EFCAB5: variants seen among roughly 807,000 people sequenced by gnomAD.
The protein encoded by EFCAB5 is EF-hand calcium binding domain 5.
Under a neutral mutation model 167.9 loss-of-function variants are expected in EFCAB5, and 131 were observed. The observed-to-expected ratio is 0.78, with a 90% CI of 0.68 to 0.90. The LOEUF is 0.90. EFCAB5 is among the 40% of genes least tolerant of loss of function. The pLI is 0.00. For synonymous variants in EFCAB5, 574 were observed against 602.8 expected (o/e 0.95, Z 0.70); for missense variants, 1,663 against 1,745.2 (o/e 0.95, Z 0.84).
chr17:30,015,667 G>GT (rs2069018319), intron 7 of EFCAB5, among the ~76,000 whole-genome samples: 1 of 151,748 alleles, frequency 6.6e-6, no homozygotes, highest in African/African-American at 2.4e-5. Flanking sequence ...GCATGAAGTG[G>GT]TAGCACATTG....
intron 19 of EFCAB5, 50 bp downstream of exon 19, chr17:30,087,216 A>T: frequency 6.8e-7 from 1 of 1,467,822 alleles, no homozygotes; most frequent in African/African-American, 1.4e-5. Context: ...TCCTTCTGGT[A>T]CAATAGTAGA....
At chr17:29,989,937 C>T (rs551550124) in intron 4 of EFCAB5, among the ~76,000 whole-genome samples, 137 of 152,200 alleles carry the variant, frequency 9.0e-4, no homozygotes, top group Non-Finnish European at 1.5e-3. Context: ...ACAAACCTTG[C>T]GAATTTTTTC....
chr17:30,055,367 AG>A (rs1357612742), intron 10 of EFCAB5, among the ~76,000 whole-genome samples: 24 of 151,776 alleles, frequency 1.6e-4, no homozygotes, highest in Middle Eastern at 3.4e-3. Context: ...GAAGGAAGGA[AG>A]GAAGGAAGGA....
chr17:30,011,826 G>A (rs555074046), intron 7 of EFCAB5, among the ~76,000 whole-genome samples: 1 of 152,142 alleles, frequency 6.6e-6, no homozygotes, highest in Non-Finnish European at 1.5e-5. Flanking sequence ...CAAGGCAAGA[G>A]ACCGAGGACG....
chr17:30,091,741 C>T (rs2071201166), intron 20 of EFCAB5, 130 bp from the exon 21 acceptor site: 2 of 1,017,298 alleles, frequency 2.0e-6, no homozygotes, highest in East Asian at 2.6e-5. Context: ...TGTTTAAAAC[C>T]AAAGGCTATG....
At chr17:29,959,541 A>G (rs2067680140) in intron 3 of EFCAB5, among the ~76,000 whole-genome samples, 1 of 152,096 alleles carries the variant, frequency 6.6e-6, no homozygotes. Flanking sequence ...TGGGCACTTT[A>G]GTCATCAGGT....
At chr17:30,104,245 G>A (rs923299805) in intron 22 of EFCAB5, among the ~76,000 whole-genome samples, 1 of 152,164 alleles carries the variant, frequency 6.6e-6, no homozygotes, top group Non-Finnish European at 1.5e-5. Flanking sequence ...TGAAGCTTAA[G>A]TACTTCTTTC....
chr17:30,067,784 C>A (rs553132790), intron 14 of EFCAB5, among the ~76,000 whole-genome samples: 5 of 152,072 alleles, frequency 3.3e-5, no homozygotes, highest in African/African-American at 1.2e-4. Flanking sequence ...ACAAAGATAA[C>A]CACTTTCACC....
At chr17:30,044,355 A>G in intron 8 of EFCAB5, among the ~76,000 whole-genome samples, 1 of 152,174 alleles carries the variant, frequency 6.6e-6, no homozygotes, top group East Asian at 1.9e-4. Context: ...AGGTGGGCAG[A>G]TCAGTTCAGG....
intron 13 of EFCAB5, among the ~76,000 whole-genome samples, chr17:30,058,590 T>C (rs1282644582): frequency 6.6e-6 from 1 of 152,158 alleles, no homozygotes; most frequent in African/African-American, 2.4e-5. Flanking sequence ...TAGTGAAAAC[T>C]CTAAAAGATA....
chr17:30,088,960 C>T (rs188778958), intron 19 of EFCAB5, among the ~76,000 whole-genome samples: 38 of 151,846 alleles, frequency 2.5e-4, no homozygotes, highest in Admixed American at 3.3e-4. Flanking sequence ...TTAAATTATA[C>T]TTTAAGTTCT....
rs1424216909 is a variant in EFCAB5 at position 29,932,170 on chromosome 17, A to G, written c.-127+2841A>G. Among the ~76,000 whole-genome samples, 4 of 120,724 alleles carry G rather than the reference A, an allele frequency of 3.3e-5. No individual in the cohort carries two copies. The East Asian group carries it at 9.2e-4, about 28-fold the overall frequency. 79.2% of individuals were successfully genotyped at this position (120,724 alleles called of 152,430 possible). ...ATAACTTTTTTTTTTTTTTTTTTTGAGACGGAGTCTCCCTTTGCCACCCAG... is the reference window on the plus strand; with the variant it reads ...ATAACTTTTTTTTTTTTTTTTTTTGGGACGGAGTCTCCCTTTGCCACCCAG... On this transcript the variant is annotated intron_variant, in intron 1 of 3. Transcript: ENST00000448319.
chr17:30,082,779 G>A, intron 17 of EFCAB5, 112 bp from the exon 18 acceptor site: 1 of 1,112,776 alleles, frequency 9.0e-7, no homozygotes, highest in Non-Finnish European at 1.2e-6. Flanking sequence ...TTTGTAGGAA[G>A]TAGATTATCA....
At chr17:29,932,449 C>CT (rs35262851) in intron 1 of EFCAB5, among the ~76,000 whole-genome samples, 25,761 of 66,764 alleles carry the variant, frequency 0.39, 7,654 homozygotes, top group East Asian at 0.56. Flanking sequence ...CTGTGCCCGG[C>CT]TTTTTTTTTT....
chr17:30,050,877 C>A (rs936698650), intron 8 of EFCAB5, among the ~76,000 whole-genome samples: 2 of 152,160 alleles, frequency 1.3e-5, no homozygotes, highest in Admixed American at 1.3e-4. Flanking sequence ...AAGTCAGTCA[C>A]AAATATTTCT....
intron 18 of EFCAB5, among the ~76,000 whole-genome samples, chr17:30,085,466 A>G (rs2071068176): frequency 6.6e-6 from 1 of 152,238 alleles, no homozygotes; most frequent in Non-Finnish European, 1.5e-5. Flanking sequence ...CACGCCTGTA[A>G]TCCCAGCACT....
intron 3 of EFCAB5, among the ~76,000 whole-genome samples, chr17:29,966,122 T>C (rs2067822164): frequency 6.6e-6 from 1 of 152,190 alleles, no homozygotes; most frequent in Non-Finnish European, 1.5e-5. Flanking sequence ...TCAGAGCCAT[T>C]AAGTAAATTC....
At chr17:30,035,069 A>T (rs1472743112) in intron 8 of EFCAB5, among the ~76,000 whole-genome samples, 1 of 152,244 alleles carries the variant, frequency 6.6e-6, no homozygotes, top group Non-Finnish European at 1.5e-5. Context: ...CAGAAAAAGC[A>T]ATTCTTAAAA....
chr17:30,023,924 C>T (rs1440703302), intron 7 of EFCAB5, among the ~76,000 whole-genome samples: 1 of 152,106 alleles, frequency 6.6e-6, no homozygotes, highest in Non-Finnish European at 1.5e-5. Flanking sequence ...GAACTGAAGA[C>T]AAAAGCCACA....
Sources: allele counts gnomAD v4.1 joint callset (sites outside exome capture counted in the v4.1 genomes callset), GRCh38; gene constraint gnomAD v4.1.1; transcripts MANE v1.5; gene names NCBI Gene and HGNC (gene_info 2026-07-23, HGNC 2026-07-21).